Variants in RALGPS2 observed in about 807,000 individuals in gnomAD.
RALGPS2 encodes the protein ras-specific guanine nucleotide-releasing factor RalGPS2.
In RALGPS2, 43 loss-of-function variants were observed where a neutral mutation model predicts 86.8. The observed-to-expected ratio is 0.50, with a 90% CI of 0.39 to 0.64. The LOEUF is 0.64. Ranked by LOEUF, RALGPS2 falls within the 30% of genes least tolerant of loss-of-function variation. RALGPS2 has a pLI of 0.00. For missense variants in RALGPS2, 536 were observed against 694.6 expected, an observed-to-expected ratio of 0.77 and a Z score of 2.57; for synonymous variants, 243 against 231.3, an observed-to-expected ratio of 1.05 and a Z score of -0.46.
At chr1:178,841,349 T>C (rs1444623423) in intron 8 of RALGPS2, among the ~76,000 whole-genome samples, 4 of 146,496 alleles carry the variant, frequency 2.7e-5, no homozygotes, top group Non-Finnish European at 6.0e-5. Context: ...GTTCAATATA[T>C]GCAAATCAAT....
chr1:178,773,082 G>C (rs895310984), intron 1 of RALGPS2, among the ~76,000 whole-genome samples: 2 of 152,214 alleles, frequency 1.3e-5, no homozygotes, highest in Non-Finnish European at 2.9e-5. Context: ...GATTACAGGC[G>C]TGAGCCCCTG....
chr1:178,767,358 CTTT>C (rs1159630163), intron 1 of RALGPS2, among the ~76,000 whole-genome samples: 5 of 70,430 alleles, frequency 7.1e-5, no homozygotes, highest in African/African-American at 1.9e-4. Context: ...TGTCCTTTGG[CTTT>C]TTTTTTTTTT....
chr1:178,908,957 C>T (rs913831607), intron 19 of RALGPS2, among the ~76,000 whole-genome samples: 1 of 152,102 alleles, frequency 6.6e-6, no homozygotes, highest in Admixed American at 6.6e-5. Context: ...CTTTTGGAGT[C>T]TTCATCATGA....
chr1:178,879,788 T>TAAAAAAA (rs66682956), intron 10 of RALGPS2: 1 of 104,088 alleles, frequency 9.6e-6, no homozygotes, highest in Non-Finnish European at 2.0e-5. Flanking sequence ...AAACTCCGTC[T>TAAAAAAA]AAAAAAAAAA....
chr1:178,857,054 A>G (rs1236818841), intron 8 of RALGPS2, among the ~76,000 whole-genome samples: 1 of 152,200 alleles, frequency 6.6e-6, no homozygotes, highest in East Asian at 1.9e-4. Context: ...ATTGTAGTCA[A>G]GTAGGAAGGA....
chr1:178,809,240 T>C (rs976338525), intron 5 of RALGPS2, among the ~76,000 whole-genome samples: 2 of 152,166 alleles, frequency 1.3e-5, no homozygotes, highest in Admixed American at 1.3e-4. Context: ...GTCTCCCTTT[T>C]TCAAGGGAGT....
intron 8 of RALGPS2, 63 bp from the exon 9 acceptor site, chr1:178,877,435 T>G: frequency 6.3e-7 from 1 of 1,595,606 alleles, no homozygotes; most frequent in Non-Finnish European, 8.5e-7. Flanking sequence ...TTCCCCCCTT[T>G]TCTTTGTCAT....
intron 4 of RALGPS2, among the ~76,000 whole-genome samples, chr1:178,798,616 G>A (rs1368529247): frequency 1.3e-5 from 2 of 152,038 alleles, no homozygotes; most frequent in Admixed American, 1.3e-4. Flanking sequence ...TGAATCCAGT[G>A]TAAGGAGCAT....
intron 1 of RALGPS2, 35 bp downstream of exon 1, chr1:178,725,454 A>T (rs1372597713): frequency 1.9e-4 from 1 of 5,226 alleles, no homozygotes; most frequent in African/African-American, 8.5e-4. Context: ...GGTGCGGGGG[A>T]GGGAGGGAGG....
At chr1:178,747,994 A>C (rs981943355) in intron 1 of RALGPS2, among the ~76,000 whole-genome samples, 1 of 152,212 alleles carries the variant, frequency 6.6e-6, no homozygotes, top group African/African-American at 2.4e-5. Context: ...CAGTACAACT[A>C]CTTTAGGAGA....
At chr1:178,829,313 G>A (rs1032190919) in intron 7 of RALGPS2, among the ~76,000 whole-genome samples, 12 of 152,284 alleles carry the variant, frequency 7.9e-5, no homozygotes, top group South Asian at 4.1e-4. Context: ...CCCAAACCCC[G>A]GGCTGCTGAC....
chr1:178,824,328 G>A (rs1166219019), intron 7 of RALGPS2, among the ~76,000 whole-genome samples: 1 of 152,050 alleles, frequency 6.6e-6, no homozygotes, highest in Non-Finnish European at 1.5e-5. Context: ...AGGGAATGTG[G>A]GACCAAAGAT....
chr1:178,815,624 A>G (rs745728975), intron 6 of RALGPS2, among the ~76,000 whole-genome samples: 1 of 152,240 alleles, frequency 6.6e-6, no homozygotes, highest in Non-Finnish European at 1.5e-5. Flanking sequence ...ATTTATAAAC[A>G]GTGAACATTC....
At chr1:178,840,776 G>A (rs1026384658) in intron 8 of RALGPS2, among the ~76,000 whole-genome samples, 1 of 151,736 alleles carries the variant, frequency 6.6e-6, no homozygotes, top group African/African-American at 2.4e-5. Flanking sequence ...ATAAAGAAAA[G>A]GGAGGAATCA....
chr1:178,830,985 T>C (rs1357520724), intron 7 of RALGPS2, among the ~76,000 whole-genome samples: 1 of 152,218 alleles, frequency 6.6e-6, no homozygotes, highest in Non-Finnish European at 1.5e-5. Flanking sequence ...ATGAATGAAC[T>C]ATAGCTTCCC....
intron 1 of RALGPS2, among the ~76,000 whole-genome samples, chr1:178,763,959 TG>T (rs531790241): frequency 1.6e-3 from 248 of 152,246 alleles, no homozygotes; most frequent in African/African-American, 5.6e-3. Flanking sequence ...ATGAGAAGAA[TG>T]TATATTCTCT....
At chr1:178,749,830 C>G (rs998685380) in intron 1 of RALGPS2, among the ~76,000 whole-genome samples, 1 of 152,100 alleles carries the variant, frequency 6.6e-6, no homozygotes, top group Non-Finnish European at 1.5e-5. Context: ...TGTGGTGGCT[C>G]ACGCTTGTAA....
intron 19 of RALGPS2, among the ~76,000 whole-genome samples, chr1:178,911,797 C>T (rs913014089): frequency 3.3e-5 from 5 of 152,166 alleles, no homozygotes; most frequent in Non-Finnish European, 7.4e-5. Flanking sequence ...ATCTGCCTGA[C>T]ACTATCAGTG....
chr1:178,775,901 G>C (rs1653058627), intron 1 of RALGPS2, among the ~76,000 whole-genome samples: 3 of 148,350 alleles, frequency 2.0e-5, no homozygotes, highest in Admixed American at 2.0e-4. Context: ...AAACAAATCT[G>C]AGTTGAAAAT....
Sources: gnomAD v4.1 joint callset for allele counts (sites outside exome capture counted in the v4.1 genomes callset) on GRCh38, gnomAD v4.1.1 for gene constraint, MANE v1.5 for transcripts, NCBI Gene and HGNC (gene_info 2026-07-23, HGNC 2026-07-21) for gene names.